CTNNA3: variants seen among roughly 807,000 people sequenced by gnomAD.
CTNNA3 encodes catenin alpha-3.
A neutral mutation model predicts 95.7 loss-of-function variants in CTNNA3; 76 were observed. The observed-to-expected ratio is 0.79, with a 90% CI of 0.66 to 0.96. The LOEUF is 0.96. Ranked by LOEUF, CTNNA3 falls within the 40% of genes least tolerant of loss-of-function variation. The pLI, the probability that CTNNA3 is intolerant of heterozygous loss-of-function variation, is 0.00. For synonymous variants in CTNNA3, 431 were observed against 374.4 expected (o/e 1.15, Z -1.74); for missense variants, 1,191 against 1,089.8 (o/e 1.09, Z -1.31).
chr10:67,235,221 A>G (rs890868418), intron 5 of CTNNA3, among the ~76,000 whole-genome samples: 10 of 151,970 alleles, frequency 6.6e-5, no homozygotes, highest in African/African-American at 2.4e-4. Context: ...TCCTAAGCCA[A>G]AAGAACAAAG....
chr10:66,704,818 TAA>T (rs1848065574), intron 9 of CTNNA3, among the ~76,000 whole-genome samples: 1 of 152,178 alleles, frequency 6.6e-6, no homozygotes, highest in Non-Finnish European at 1.5e-5. Context: ...ATTTTCTACA[TAA>T]ATGATCTCAT....
At chr10:67,692,758 A>AAAAC (rs1840893233) in intron 1 of CTNNA3, among the ~76,000 whole-genome samples, 1 of 149,676 alleles carries the variant, frequency 6.7e-6, no homozygotes, top group Non-Finnish European at 1.5e-5. Flanking sequence ...AAAAAAAAAA[A>AAAAC]GTCTTGCTAC....
At chr10:66,430,753 C>A (rs1264198357) in intron 11 of CTNNA3, among the ~76,000 whole-genome samples, 1 of 152,114 alleles carries the variant, frequency 6.6e-6, no homozygotes, top group Non-Finnish European at 1.5e-5. Flanking sequence ...AAATTTAATT[C>A]AAGATGGATT....
At chr10:67,406,806 T>C (rs1384739539) in intron 5 of CTNNA3, among the ~76,000 whole-genome samples, 2 of 151,836 alleles carry the variant, frequency 1.3e-5, no homozygotes, top group Non-Finnish European at 2.9e-5. Flanking sequence ...TGCACACAAA[T>C]TGAAAATCTA....
intron 3 of CTNNA3, among the ~76,000 whole-genome samples, chr10:67,587,404 T>C (rs565838705): frequency 6.6e-6 from 1 of 152,070 alleles, no homozygotes; most frequent in Non-Finnish European, 1.5e-5. Context: ...TCTGGTCTGG[T>C]GGTGATGAAT....
intron 14 of CTNNA3, among the ~76,000 whole-genome samples, chr10:66,100,987 G>C (rs1033614581): frequency 5.9e-5 from 9 of 152,112 alleles, no homozygotes; most frequent in Admixed American, 2.0e-4. Flanking sequence ...CCTAATTCCA[G>C]CATTCTAAAA....
intron 13 of CTNNA3, among the ~76,000 whole-genome samples, chr10:66,169,596 C>T (rs2085312875): frequency 6.6e-6 from 1 of 152,138 alleles, no homozygotes; most frequent in South Asian, 2.1e-4. Context: ...AAGGAACCTC[C>T]ACACTGTTTT....
At chr10:66,105,898 T>C (rs2081880212) in intron 13 of CTNNA3, among the ~76,000 whole-genome samples, 1 of 152,170 alleles carries the variant, frequency 6.6e-6, no homozygotes, top group African/African-American at 2.4e-5. Flanking sequence ...CTAATAATTT[T>C]GAGGGCAATA....
chr10:67,369,232 C>T (rs763674498), intron 5 of CTNNA3, among the ~76,000 whole-genome samples: 11 of 152,014 alleles, frequency 7.2e-5, no homozygotes, highest in Admixed American at 2.6e-4. Flanking sequence ...AATACATAAA[C>T]GAATGCATTC....
intron 17 of CTNNA3, among the ~76,000 whole-genome samples, chr10:65,930,517 G>C (rs978370412): frequency 6.6e-6 from 1 of 152,158 alleles, no homozygotes; most frequent in African/African-American, 2.4e-5. Flanking sequence ...TGTTCTGAGA[G>C]TAAAAGTAAC....
intron 7 of CTNNA3, among the ~76,000 whole-genome samples, chr10:66,828,753 A>T (rs1842604590): frequency 6.6e-6 from 1 of 152,212 alleles, no homozygotes. Context: ...CAGACAAATT[A>T]TTAGGGACCT....
intron 14 of CTNNA3, among the ~76,000 whole-genome samples, chr10:66,082,588 A>G (rs1026063690): frequency 2.6e-5 from 4 of 152,176 alleles, no homozygotes; most frequent in African/African-American, 7.2e-5. Context: ...TTAGTAGTAT[A>G]ATACCAATGG....
rs1365671372 is a variant in CTNNA3, at chr10:67,566,584, T to A, written c.293-26915A>T. Reference sequence around the variant, plus strand: ...TTACACTGTTGGTGGGACTGTAAACTAGTTCAACCATTGTGGAAGTCAGTG... The same window carrying A: ...TTACACTGTTGGTGGGACTGTAAACAAGTTCAACCATTGTGGAAGTCAGTG... On this transcript the variant is annotated intron_variant, in intron 3 of 17. Transcript: ENST00000433211. 2.0e-5 allele frequency among the ~76,000 whole-genome samples: 3 copies of A among 152,248 alleles called. No individual in the cohort carries two copies. The South Asian group carries it at 6.2e-4, about 32-fold the overall frequency.
intron 5 of CTNNA3, among the ~76,000 whole-genome samples, chr10:67,391,927 C>T (rs1218327803): frequency 2.0e-5 from 3 of 150,920 alleles, no homozygotes; most frequent in Non-Finnish European, 3.0e-5. Context: ...AAGACTTAAA[C>T]GTTAGACCTA....
chr10:66,405,248 T>C (rs536440424), intron 11 of CTNNA3, among the ~76,000 whole-genome samples: 1 of 152,140 alleles, frequency 6.6e-6, no homozygotes, highest in African/African-American at 2.4e-5. Flanking sequence ...ATCAAAGTTT[T>C]TGATAGACTG....
chr10:66,225,283 G>C (rs1419845234), intron 13 of CTNNA3, among the ~76,000 whole-genome samples: 1 of 151,150 alleles, frequency 6.6e-6, no homozygotes, highest in East Asian at 2.0e-4. Context: ...ACATGAGTGA[G>C]AATATGTGAT....
intron 7 of CTNNA3, among the ~76,000 whole-genome samples, chr10:67,109,167 A>G (rs940780291): frequency 6.6e-6 from 1 of 152,202 alleles, no homozygotes; most frequent in Non-Finnish European, 1.5e-5. Flanking sequence ...AGGTTATGGC[A>G]TAAGACTGAT....
chr10:67,367,477 A>G (rs79262723), intron 5 of CTNNA3, among the ~76,000 whole-genome samples: 2,730 of 152,340 alleles, frequency 0.018, 85 homozygotes, highest in African/African-American at 0.061. Flanking sequence ...GGGAATGTCA[A>G]TTAGTTTAGC....
At chr10:66,152,910 C>A (rs987391728) in intron 13 of CTNNA3, among the ~76,000 whole-genome samples, 1 of 151,814 alleles carries the variant, frequency 6.6e-6, no homozygotes. Flanking sequence ...CCATTATTTT[C>A]TTGAATATTT....
Sources: gnomAD v4.1 joint callset for allele counts (sites outside exome capture counted in the v4.1 genomes callset) on GRCh38, gnomAD v4.1.1 for gene constraint, MANE v1.5 for transcripts, NCBI Gene and HGNC (gene_info 2026-07-23, HGNC 2026-07-21) for gene names.